The following MRPS35 variants were observed in gnomAD, a reference collection of about 807,000 sequenced individuals.
MRPS35 encodes the protein small ribosomal subunit protein mS35.
Under a neutral mutation model 32.7 loss-of-function variants are expected in MRPS35, and 29 were observed. The ratio of observed to expected loss-of-function variants is 0.89; its 90% CI spans 0.66 to 1.21. The LOEUF (loss-of-function observed/expected upper bound fraction) is 1.21, where lower values mean the gene tolerates loss of function less well. MRPS35 is among the 50% of genes most tolerant of loss of function. The pLI is 0.00. For synonymous variants in MRPS35, 148 were observed against 139.3 expected (o/e 1.06, Z -0.44); for missense variants, 373 against 383.8 (o/e 0.97, Z 0.23).
intron 1 of MRPS35, among the ~76,000 whole-genome samples, chr12:27,712,772 T>C (rs1268859435): frequency 1.3e-5 from 2 of 152,176 alleles, no homozygotes; most frequent in Non-Finnish European, 2.9e-5. Flanking sequence ...ATCCCAGCAC[T>C]GTGGGAGGTC....
Position 27,755,595 on chromosome 12 carries a change from C to A in MRPS35, c.*145C>A. The A allele has an allele frequency of 2.9e-6, 2 of 680,564 alleles. No individual in the cohort carries two copies. The highest frequency in any genetic ancestry group is 4.5e-6 in the Non-Finnish European group (2 of 448,218). The allele number at this position is 680,564 out of a possible 1,614,324, so 42.2% of individuals were successfully genotyped here. On this transcript the variant is annotated 3_prime_UTR_variant, in exon 8 of 8. Coordinates refer to ENST00000081029, the MANE Select transcript of MRPS35 (RefSeq NM_021821.4). ...TTTCCCTCATACTAATGCTTAATGG[C>A]AATGATTACTCCAGAGTTTTTTAAT...
intron 1 of MRPS35, among the ~76,000 whole-genome samples, chr12:27,713,957 C>G (rs1424266436): frequency 6.6e-6 from 1 of 151,680 alleles, no homozygotes; most frequent in Non-Finnish European, 1.5e-5. Context: ...GTCTTTAGTC[C>G]TAGCTACTTG....
At chr12:27,711,094 G>A in intron 1 of MRPS35, 139 bp downstream of exon 1, 1 of 747,938 alleles carries the variant, frequency 1.3e-6, no homozygotes, top group East Asian at 2.7e-5. Context: ...CGTCTGGTAG[G>A]AAAACCATGG....
rs1328561847 is a variant in MRPS35, at chr12:27,732,476, C to T, written c.523-2971C>T. Reference sequence around the variant, plus strand: ...GTCTGCCCTGCTAGACTCTGCACCCCACCTGCTGGCTGTTGAGGCTCAGTG... The same window carrying T: ...GTCTGCCCTGCTAGACTCTGCACCCTACCTGCTGGCTGTTGAGGCTCAGTG... On this transcript the variant is annotated intron_variant, in intron 5 of 7. Coordinates refer to ENST00000081029, the MANE Select transcript of MRPS35 (RefSeq NM_021821.4). 2.6e-5 allele frequency among the ~76,000 whole-genome samples: 4 copies of T among 152,120 alleles called. No homozygotes were observed. In the East Asian group the frequency reaches 7.7e-4, roughly 29 times the overall value.
intron 3 of MRPS35, among the ~76,000 whole-genome samples, chr12:27,717,613 G>A (rs976123135): frequency 6.6e-6 from 1 of 152,104 alleles, no homozygotes; most frequent in African/African-American, 2.4e-5. Context: ...TGGAGACAGG[G>A]GTAAATGAAA....
intron 5 of MRPS35, among the ~76,000 whole-genome samples, chr12:27,725,966 G>T (rs1593467663): frequency 6.6e-6 from 1 of 151,914 alleles, no homozygotes. Context: ...GTGCCACCAT[G>T]CCTGGCCAAT....
intron 7 of MRPS35, among the ~76,000 whole-genome samples, chr12:27,742,510 C>T (rs560048042): frequency 5.9e-5 from 9 of 152,256 alleles, no homozygotes; most frequent in South Asian, 2.1e-4. Context: ...CCCCTGAAAA[C>T]GTCACAGGAA....
At chr12:27,735,786 A>T (rs561058520) in intron 6 of MRPS35, among the ~76,000 whole-genome samples, 1 of 152,228 alleles carries the variant, frequency 6.6e-6, no homozygotes, top group Admixed American at 6.5e-5. Context: ...TTTAACCTTG[A>T]TTTTAATATT....
intron 4 of MRPS35, among the ~76,000 whole-genome samples, chr12:27,720,934 T>C (rs1304204138): frequency 6.6e-6 from 1 of 152,186 alleles, no homozygotes; most frequent in African/African-American, 2.4e-5. Context: ...GATTGATAGT[T>C]ATGATTGATT....
intron 7 of MRPS35, among the ~76,000 whole-genome samples, chr12:27,743,343 C>T (rs901796614): frequency 2.0e-5 from 3 of 151,850 alleles, no homozygotes; most frequent in African/African-American, 7.2e-5. Flanking sequence ...GCCTGGCCAA[C>T]ATGGTGAAAC....
chr12:27,734,330 C>T (rs2061934546), intron 5 of MRPS35, among the ~76,000 whole-genome samples: 1 of 151,606 alleles, frequency 6.6e-6, no homozygotes. Flanking sequence ...AAAACCTCCG[C>T]CTCCTGGGTT....
At chr12:27,754,415 A>G (rs999073110) in intron 7 of MRPS35, among the ~76,000 whole-genome samples, 3 of 152,138 alleles carry the variant, frequency 2.0e-5, no homozygotes, top group Non-Finnish European at 4.4e-5. Context: ...CTCAGCTCTC[A>G]TTATTTTTAA....
chr12:27,745,259 C>T (rs1005064766), intron 7 of MRPS35, among the ~76,000 whole-genome samples: 3 of 152,166 alleles, frequency 2.0e-5, no homozygotes, highest in African/African-American at 7.2e-5. Context: ...ATAGCCTTTT[C>T]ATTTTATACA....
Position 27,752,316 on chromosome 12 carries a change from T to C in MRPS35, c.703-2865T>C, listed in dbSNP as rs377626043. On this transcript the variant is annotated intron_variant, in intron 7 of 7. Coordinates refer to ENST00000081029, the MANE Select transcript of MRPS35 (RefSeq NM_021821.4). ...AATCAATATCTTGGCATACCTGTAA[T>C]ACATCTTGGCAAACCAGTGTATAAT... 2.0e-5 allele frequency among the ~76,000 whole-genome samples: 3 copies of C among 152,154 alleles called. No individual in the cohort carries two copies. The East Asian group carries it at 5.8e-4, about 29-fold the overall frequency.
intron 1 of MRPS35, among the ~76,000 whole-genome samples, chr12:27,712,717 T>C (rs1344189814): frequency 6.6e-6 from 1 of 152,030 alleles, no homozygotes; most frequent in East Asian, 1.9e-4. Context: ...AAGAAGAAAA[T>C]CAAAAGCCCT....
intron 7 of MRPS35, among the ~76,000 whole-genome samples, chr12:27,752,383 AATT>A (rs1356489561): frequency 1.3e-5 from 2 of 152,208 alleles, no homozygotes; most frequent in African/African-American, 4.8e-5. Context: ...GAAATGTGGG[AATT>A]ATTAGTGGAT....
At chr12:27,726,628 A>G (rs1367667548) in intron 5 of MRPS35, among the ~76,000 whole-genome samples, 1 of 152,108 alleles carries the variant, frequency 6.6e-6, no homozygotes, top group African/African-American at 2.4e-5. Context: ...AGCAAGTTTG[A>G]GGCTTTCTAT....
intron 7 of MRPS35, among the ~76,000 whole-genome samples, chr12:27,738,118 G>A (rs1418813233): frequency 1.3e-5 from 2 of 152,106 alleles, no homozygotes; most frequent in African/African-American, 4.8e-5. Context: ...AAATGCTTGG[G>A]ACCAGAAGTG....
intron 5 of MRPS35, among the ~76,000 whole-genome samples, chr12:27,727,624 A>AT (rs1420750177): frequency 6.6e-6 from 1 of 152,054 alleles, no homozygotes; most frequent in East Asian, 1.9e-4. Flanking sequence ...GTATGACAGT[A>AT]TTTTTCCTTT....
Sources: allele counts gnomAD v4.1 joint callset (sites outside exome capture counted in the v4.1 genomes callset), GRCh38; gene constraint gnomAD v4.1.1; transcripts MANE v1.5; gene names NCBI Gene and HGNC (gene_info 2026-07-23, HGNC 2026-07-21).